The following SLC25A16 variants were observed in gnomAD, a reference collection of about 807,000 sequenced individuals.
The protein encoded by SLC25A16 is solute carrier family 25 member 16.
A neutral mutation model predicts 41.5 loss-of-function variants in SLC25A16; 39 were observed. The observed-to-expected ratio is 0.94, with a 90% CI of 0.73 to 1.23. SLC25A16 has a LOEUF of 1.23. Among genes scored for constraint, SLC25A16 ranks in the 50% most tolerant of loss-of-function variants. SLC25A16 has a pLI of 0.00. For synonymous variants in SLC25A16, 146 were observed against 147.8 expected (o/e 0.99, Z 0.09); for missense variants, 421 against 426.9 (o/e 0.99, Z 0.12).
rs11361421 is a variant in SLC25A16, at chr10:68,479,817, C to CAAAAAAAAA, written c.*3606_*3614dup. On this transcript the variant is annotated 3_prime_UTR_variant, in exon 9 of 9. Transcript: ENST00000609923. ...TGGGCAACAGAGTGAGGCTCTGTCT[C>CAAAAAAAAA]AAAAAAAAAAAAAAAAAAGAAAGAA... The CAAAAAAAAA allele has an allele frequency of 1.0e-5, 1 of 96,306 alleles. No individual in the cohort carries two copies. The highest frequency in any genetic ancestry group is 4.2e-5 in the African/African-American group (1 of 24,036). The allele number at this position is 96,306 out of a possible 1,614,324, so 6.0% of individuals were successfully genotyped here.
chr10:68,527,456 AG>A lies in SLC25A16; in HGVS notation c.-82del. The A allele has an allele frequency of 7.4e-7, 1 of 1,346,116 alleles. No homozygotes were observed. Among genetic ancestry groups the A allele is most frequent in the South Asian group, 1.6e-5 (1 of 62,922 alleles). The allele number at this position is 1,346,116 out of a possible 1,614,324, so 83.4% of individuals were successfully genotyped here. ...GACCATAGCCGGAACAGGCGGTGAC[AG>A]GAGGCTGACCGCCCCGCCGGCGGGG... On this transcript the variant is annotated 5_prime_UTR_variant, in exon 1 of 9. Coordinates refer to ENST00000609923, the MANE Select transcript of SLC25A16 (RefSeq NM_152707.4).
At chr10:68,492,616 A>T (rs961459476) in intron 6 of SLC25A16, among the ~76,000 whole-genome samples, 1 of 152,006 alleles carries the variant, frequency 6.6e-6, no homozygotes, top group Non-Finnish European at 1.5e-5. Flanking sequence ...CAGCAGGTGG[A>T]GGTTGCAGTG....
intron 4 of SLC25A16, among the ~76,000 whole-genome samples, chr10:68,497,658 C>G (rs1012601552): frequency 2.5e-4 from 38 of 149,116 alleles, no homozygotes; most frequent in Non-Finnish European, 5.0e-4. Flanking sequence ...GTTCTGTTAC[C>G]CAAGCTGGAA....
rs1266974459 is a variant in SLC25A16, at chr10:68,513,406, C to CA, written c.223+3344dup. 7.6e-3 allele frequency among the ~76,000 whole-genome samples: 441 copies of CA among 58,296 alleles called. 4 individuals are homozygous for CA. Among genetic ancestry groups the CA allele is most frequent in the African/African-American group, 0.018 (312 of 17,014 alleles). 38.2% of individuals were successfully genotyped at this position (58,296 alleles called of 152,430 possible). A position where few individuals can be genotyped will look rare whatever the true frequency, so the allele number is the denominator to read the frequency against. On this transcript the variant is annotated intron_variant, in intron 2 of 8. Transcript: ENST00000609923. ...CCTGGGCAATAGAGCAAGACCATCT[C>CA]AAAAAAAAAAAAGAGGAAAAAAAAA... is the stretch of plus-strand genomic sequence containing the variant.
chr10:68,526,820 T>G (rs903037184), intron 1 of SLC25A16, among the ~76,000 whole-genome samples: 4 of 152,184 alleles, frequency 2.6e-5, no homozygotes, highest in Admixed American at 2.6e-4. Flanking sequence ...TTTCCAGTAG[T>G]CATTAAAAAG....
In SLC25A16 at chr10:68,525,847, G is replaced by A. The variant is rs538755819; in HGVS notation, c.130+1399C>T. Among the ~76,000 whole-genome samples the A allele has an allele frequency of 2.0e-5, 3 of 152,292 alleles. No homozygotes were observed. The South Asian group carries it at 6.2e-4, about 32-fold the overall frequency. Reference sequence around the variant, plus strand: ...GAAACATGTGCTGTGTCACAGAGTTGAATGGATTAAGGGCGGTGCAAGATG... The same window carrying A: ...GAAACATGTGCTGTGTCACAGAGTTAAATGGATTAAGGGCGGTGCAAGATG... On this transcript the variant is annotated intron_variant, in intron 1 of 8. Transcript: ENST00000609923.
chr10:68,496,467 C>T, intron 4 of SLC25A16: 2 of 984,536 alleles, frequency 2.0e-6, no homozygotes, highest in Non-Finnish European at 2.4e-6. Context: ...TTCTTCTTCC[C>T]TCAGTTTACA....
intron 4 of SLC25A16, among the ~76,000 whole-genome samples, chr10:68,494,550 AAAGG>A (rs201925012): frequency 0.035 from 5,170 of 146,992 alleles, 294 homozygotes; most frequent in African/African-American, 0.1. Flanking sequence ...AGAGAGAGAG[AAAGG>A]AAGGAAGGAA....
intron 1 of SLC25A16, among the ~76,000 whole-genome samples, chr10:68,522,264 A>G (rs1002174134): frequency 4.6e-5 from 7 of 152,202 alleles, no homozygotes; most frequent in African/African-American, 1.4e-4. Flanking sequence ...GTCAGACTCA[A>G]AAGGCTACAT....
Position 68,506,694 on chromosome 10 carries a change from A to G in SLC25A16, c.248T>C (p.Val83Ala). Residue 83 changes from valine (V) to alanine (A), a missense_variant, in exon 3 of 9, where the codon GTT (valine) becomes GCT (alanine). Transcript: ENST00000609923. Reference protein sequence around the residue: ...HLGVFSALRAVPQKEGFLGLY... With the variant: ...HLGVFSALRAAPQKEGFLGLY... Reference sequence around the variant, plus strand: ...TCCAAGGAATCCTTCTTTTTGAGGAACAGCACGCAATGCAGAAAATACTCC... The same window carrying G: ...TCCAAGGAATCCTTCTTTTTGAGGAGCAGCACGCAATGCAGAAAATACTCC... The G allele has an allele frequency of 6.3e-7, 1 of 1,590,168 alleles. No homozygotes were observed. The highest frequency in any genetic ancestry group is 8.6e-7 in the Non-Finnish European group (1 of 1,168,544).
chr10:68,487,064 C>A, intron 8 of SLC25A16, 80 bp downstream of exon 8: 1 of 1,027,270 alleles, frequency 9.7e-7, no homozygotes, highest in South Asian at 1.3e-5. Flanking sequence ...GACTATTGGT[C>A]AAACTAGAGT....
Position 68,478,086 on chromosome 10 carries a change from T to C in SLC25A16, c.*5346A>G, listed in dbSNP as rs529894989. On this transcript the variant is annotated 3_prime_UTR_variant, in exon 9 of 9. Transcript: ENST00000609923. The stretch of plus-strand genomic sequence containing the variant: ...TGAACAGTGTATTACTGTATTAAAG[T>C]ATAGCATCATAGCTAAAAGAATAGG... The C allele has an allele frequency of 4.6e-5, 7 of 152,210 alleles. No individual in the cohort carries two copies. Among genetic ancestry groups the C allele is most frequent in the Admixed American group, 1.3e-4 (2 of 15,266 alleles). 9.4% of individuals were successfully genotyped at this position (152,210 alleles called of 1,614,324 possible). A position where few individuals can be genotyped will look rare whatever the true frequency, so the allele number is the denominator to read the frequency against.
intron 1 of SLC25A16, 66 bp downstream of exon 1, chr10:68,527,180 C>A (rs1169014751): frequency 3.3e-6 from 5 of 1,500,060 alleles, no homozygotes; most frequent in Non-Finnish European, 4.5e-6. Flanking sequence ...CCGCTTGCAT[C>A]CCACTTGCCC....
chr10:68,507,227 C>T (rs1431796865), intron 2 of SLC25A16, among the ~76,000 whole-genome samples: 1 of 151,760 alleles, frequency 6.6e-6, no homozygotes, highest in Non-Finnish European at 1.5e-5. Flanking sequence ...CGCCCGCCAC[C>T]ACACCCGGCT....
intron 2 of SLC25A16, among the ~76,000 whole-genome samples, chr10:68,507,317 C>T (rs1431913591): frequency 6.6e-6 from 1 of 151,910 alleles, no homozygotes; most frequent in Admixed American, 6.6e-5. Flanking sequence ...GTGATCCACC[C>T]GTCTCGGCCT....
chr10:68,506,547 T>C, intron 3 of SLC25A16, 38 bp downstream of exon 3: 1 of 1,471,196 alleles, frequency 6.8e-7, no homozygotes, highest in South Asian at 1.4e-5. Flanking sequence ...TGCATGATAT[T>C]CAAGAACGCA....
chr10:68,525,556 C>G (rs1258607138), intron 1 of SLC25A16, among the ~76,000 whole-genome samples: 1 of 152,116 alleles, frequency 6.6e-6, no homozygotes, highest in Non-Finnish European at 1.5e-5. Flanking sequence ...TGGACTCAAG[C>G]AGTCTTCCTG....
chr10:68,516,950 A>G (rs899378880), intron 1 of SLC25A16, 107 bp from the exon 2 acceptor site: 2 of 1,050,076 alleles, frequency 1.9e-6, no homozygotes, highest in Non-Finnish European at 2.8e-6. Context: ...TTCAGTCTCC[A>G]TGAGTAAATC....
At chr10:68,486,424 GTTTGTT>G (rs1205569361) in intron 8 of SLC25A16, among the ~76,000 whole-genome samples, 1 of 151,366 alleles carries the variant, frequency 6.6e-6, no homozygotes, top group Non-Finnish European at 1.5e-5. Context: ...GTTTTTTTTA[GTTTGTT>G]TTTGTTTTTT....
Sources: gnomAD v4.1 joint callset for allele counts (sites outside exome capture counted in the v4.1 genomes callset) on GRCh38, gnomAD v4.1.1 for gene constraint, MANE v1.5 for transcripts, NCBI Gene and HGNC (gene_info 2026-07-23, HGNC 2026-07-21) for gene names.